The following SLC30A8 variants were observed in gnomAD, a reference collection of about 807,000 sequenced individuals.
SLC30A8 encodes the protein proton-coupled zinc antiporter SLC30A8.
SLC30A8 carries 27 observed loss-of-function variants against 36.9 expected under a neutral mutation model. The observed-to-expected ratio is 0.73, with a 90% CI of 0.54 to 1.01. The LOEUF is 1.01. SLC30A8 is among the 50% of genes least tolerant of loss of function. The probability of loss-of-function intolerance (pLI) is 0.00; values close to 1 mark genes in which losing one functional copy is unlikely to be tolerated. For missense variants in SLC30A8, 439 were observed against 452.0 expected (o/e 0.97, Z 0.26); for synonymous variants, 164 against 172.4 (o/e 0.95, Z 0.38).
chr8:117,035,377 C>A (rs113066263), intron 1 of SLC30A8, among the ~76,000 whole-genome samples: 3,214 of 152,340 alleles, frequency 0.021, 134 homozygotes, highest in African/African-American at 0.073. Context: ...AAGTCTGAAA[C>A]CCAGCAGGGC....
At chr8:117,093,127 C>T (rs1033646996) in intron 2 of SLC30A8, among the ~76,000 whole-genome samples, 2 of 151,932 alleles carry the variant, frequency 1.3e-5, no homozygotes, top group Admixed American at 6.5e-5. Flanking sequence ...ACAACCTCCT[C>T]TCCTCCTTAA....
intron 2 of SLC30A8, among the ~76,000 whole-genome samples, chr8:117,093,966 G>A (rs578112848): frequency 3.9e-4 from 59 of 152,364 alleles, no homozygotes; most frequent in Non-Finnish European, 7.5e-4. Flanking sequence ...CAGCACTGGC[G>A]CTGGCTCCCT....
chr8:117,019,304 ATTACTT>A (rs1427605629), intron 1 of SLC30A8, among the ~76,000 whole-genome samples: 1 of 152,246 alleles, frequency 6.6e-6, no homozygotes, highest in East Asian at 1.9e-4. Context: ...CAGTTATGGA[ATTACTT>A]TTAGAGCAAC....
intron 2 of SLC30A8, among the ~76,000 whole-genome samples, chr8:117,112,725 G>A (rs1820282057): frequency 6.6e-6 from 1 of 152,140 alleles, no homozygotes; most frequent in African/African-American, 2.4e-5. Flanking sequence ...TCTGATGGAT[G>A]CAATTGCATA....
intron 2 of SLC30A8, among the ~76,000 whole-genome samples, chr8:117,097,656 A>ATATTATT (rs1160844536): frequency 2.3e-5 from 1 of 42,804 alleles, no homozygotes; most frequent in Non-Finnish European, 3.2e-5. Flanking sequence ...TAAATAATAT[A>ATATTATT]TATAATATAT....
chr8:117,056,423 C>T (rs1051969308), intron 2 of SLC30A8, among the ~76,000 whole-genome samples: 10 of 152,204 alleles, frequency 6.6e-5, no homozygotes, highest in Non-Finnish European at 1.3e-4. Flanking sequence ...TACCACTCCT[C>T]GTCCCTATTG....
rs1017535015 is a variant in SLC30A8, at chr8:117,174,954, A to G, written c.*2273A>G. 2 of 151,908 alleles carry G rather than the reference A, an allele frequency of 1.3e-5. No individual in the cohort carries two copies. Among genetic ancestry groups the G allele is most frequent in the African/African-American group, 4.9e-5 (2 of 41,132 alleles). The allele number at this position is 151,908 out of a possible 1,614,324, so 9.4% of individuals were successfully genotyped here. ...CAGATGCTACTCAGGGGCTTTATGA[A>G]CCATCCATCAATTCTGAAGTTCTGA... On this transcript the variant is annotated 3_prime_UTR_variant, in exon 8 of 8. Coordinates refer to ENST00000456015, the MANE Select transcript of SLC30A8 (RefSeq NM_173851.3).
chr8:117,127,184 G>A (rs1366332317), intron 2 of SLC30A8, among the ~76,000 whole-genome samples: 1 of 151,870 alleles, frequency 6.6e-6, no homozygotes, highest in East Asian at 1.9e-4. Flanking sequence ...ATTGGTACGC[G>A]TTCCAAATTA....
chr8:117,142,295 C>A (rs1000100971), intron 1 of SLC30A8, among the ~76,000 whole-genome samples: 1 of 152,070 alleles, frequency 6.6e-6, no homozygotes, highest in Non-Finnish European at 1.5e-5. Context: ...GGGTCAAAGC[C>A]ACCAATGTGT....
chr8:116,969,841 G>A (rs922543155), intron 1 of SLC30A8, among the ~76,000 whole-genome samples: 3 of 152,174 alleles, frequency 2.0e-5, no homozygotes, highest in African/African-American at 7.2e-5. Context: ...ACTGAAAGTT[G>A]TTCTGGGTGA....
At chr8:116,981,619 C>T (rs1815265482) in intron 1 of SLC30A8, among the ~76,000 whole-genome samples, 1 of 152,148 alleles carries the variant, frequency 6.6e-6, no homozygotes, top group African/African-American at 2.4e-5. Context: ...ACTTTGTATG[C>T]ATATGTACTA....
At chr8:117,041,062 G>A (rs140348596) in intron 2 of SLC30A8, among the ~76,000 whole-genome samples, 2 of 152,338 alleles carry the variant, frequency 1.3e-5, no homozygotes, top group African/African-American at 2.4e-5. Context: ...GGAATGCACA[G>A]ATGCATGCTG....
intron 1 of SLC30A8, among the ~76,000 whole-genome samples, chr8:117,005,648 C>T (rs770122488): frequency 8.5e-5 from 13 of 152,144 alleles, no homozygotes; most frequent in South Asian, 2.1e-4. Context: ...AGGAACTGCC[C>T]GAGTGTTTTC....
intron 3 of SLC30A8, among the ~76,000 whole-genome samples, chr8:117,155,513 A>G (rs73317635): frequency 0.11 from 17,113 of 152,098 alleles, 1,730 homozygotes; most frequent in African/African-American, 0.27. Context: ...GCTATATGTT[A>G]TATTAGGTTC....
intron 6 of SLC30A8, among the ~76,000 whole-genome samples, chr8:117,170,680 A>C (rs1413958458): frequency 6.6e-6 from 1 of 152,176 alleles, no homozygotes; most frequent in East Asian, 1.9e-4. Context: ...TCAGGATGCT[A>C]ACCCATGATT....
At chr8:117,160,343 A>G (rs1445386509) in intron 4 of SLC30A8, among the ~76,000 whole-genome samples, 1 of 152,068 alleles carries the variant, frequency 6.6e-6, no homozygotes, top group Non-Finnish European at 1.5e-5. Flanking sequence ...TAACTAAATC[A>G]GATTCCTCTG....
In SLC30A8 at chr8:117,172,809, T is replaced by C; in HGVS notation, c.*128T>C. Reference sequence around the variant, plus strand: ...ATGTCATGGTGCAATGCACATTTTATCTATTTATTTAGTTCCATTCACCAT... The same window carrying C: ...ATGTCATGGTGCAATGCACATTTTACCTATTTATTTAGTTCCATTCACCAT... On this transcript the variant is annotated 3_prime_UTR_variant, in exon 8 of 8. Transcript: ENST00000456015. 1 of 1,088,350 alleles carries C rather than the reference T, an allele frequency of 9.2e-7. No homozygotes were observed. Among genetic ancestry groups the C allele is most frequent in the Non-Finnish European group, 1.3e-6 (1 of 745,376 alleles). 67.4% of individuals were successfully genotyped at this position (1,088,350 alleles called of 1,614,324 possible).
intron 2 of SLC30A8, among the ~76,000 whole-genome samples, chr8:117,070,739 C>T (rs1420882753): frequency 6.6e-6 from 1 of 152,176 alleles, no homozygotes; most frequent in Non-Finnish European, 1.5e-5. Context: ...TCCATTCCCT[C>T]TCTCACACTT....
intron 1 of SLC30A8, among the ~76,000 whole-genome samples, chr8:116,952,471 G>A (rs923493387): frequency 6.6e-6 from 1 of 151,482 alleles, no homozygotes; most frequent in Non-Finnish European, 1.5e-5. Context: ...CCGAGACAGA[G>A]TCTCCCTCTG....
Sources: allele counts gnomAD v4.1 joint callset (sites outside exome capture counted in the v4.1 genomes callset), GRCh38; gene constraint gnomAD v4.1.1; transcripts MANE v1.5; gene names NCBI Gene and HGNC (gene_info 2026-07-23, HGNC 2026-07-21).